The following ATP8B4 variants were observed in gnomAD, a reference collection of about 807,000 sequenced individuals.
ATP8B4 encodes the protein probable phospholipid-transporting ATPase IM.
In ATP8B4, 133 loss-of-function variants were observed where a neutral mutation model predicts 145.6. That is an observed-to-expected ratio of 0.91 (90% CI 0.79 to 1.05). The LOEUF is 1.05. ATP8B4 is among the 50% of genes least tolerant of loss of function. The probability of loss-of-function intolerance (pLI) is 0.00; values close to 1 mark genes in which losing one functional copy is unlikely to be tolerated. For missense variants in ATP8B4, 1,458 were observed against 1,425.2 expected, an observed-to-expected ratio of 1.02 and a Z score of -0.37; for synonymous variants, 507 against 492.9, an observed-to-expected ratio of 1.03 and a Z score of -0.38.
chr15:49,897,513 C>T lies in ATP8B4; in HGVS notation c.2476G>A (p.Ala826Thr), dbSNP rs368776149. The change falls in exon 23 of 28, where the codon GCT (alanine) becomes ACT (threonine). Residue 826 changes from alanine (A) to threonine (T), a missense_variant and splice_region_variant. Coordinates refer to ENST00000284509, the MANE Select transcript of ATP8B4 (RefSeq NM_024837.4). ...CCGCTGATGCCAACACCAATGTGAG[C>T]ACCTACAAAGGAAAGAGGAACACTG... ...GANDVSMIKS[A>T]HIGVGISGQE... 8 of 1,538,110 alleles carry T rather than the reference C, an allele frequency of 5.2e-6. No individual in the cohort carries two copies. Among genetic ancestry groups the T allele is most frequent in the Non-Finnish European group, 7.0e-6 (8 of 1,142,266 alleles).
At chr15:50,157,877 G>A (rs1232544222) in intron 1 of ATP8B4, among the ~76,000 whole-genome samples, 1 of 152,144 alleles carries the variant, frequency 6.6e-6, no homozygotes, top group Non-Finnish European at 1.5e-5. Flanking sequence ...GCCTCAGCCT[G>A]CCCAGTGCCT....
At chr15:50,156,077 T>C (rs11635796) in intron 1 of ATP8B4, among the ~76,000 whole-genome samples, 9 of 23,352 alleles carry the variant, frequency 3.9e-4, no homozygotes, top group Non-Finnish European at 7.9e-4. Flanking sequence ...TAAATAAATA[T>C]ATATATATAT....
At chr15:50,054,792 AAAAAAAAAAAAAAAAAAC>A (rs1316922267) in intron 3 of ATP8B4, among the ~76,000 whole-genome samples, 22 of 139,398 alleles carry the variant, frequency 1.6e-4, no homozygotes, top group African/African-American at 6.6e-4. Flanking sequence ...TCAAAAAAAA[AAAAAAAAAAAAAAAAAAC>A]AAAAAAAAAA....
At chr15:49,877,227 C>T (rs529682089) in intron 24 of ATP8B4, among the ~76,000 whole-genome samples, 1 of 152,260 alleles carries the variant, frequency 6.6e-6, no homozygotes, top group East Asian at 1.9e-4. Context: ...AATGTGCACA[C>T]AAATCGCCTG....
intron 9 of ATP8B4, among the ~76,000 whole-genome samples, chr15:49,990,002 A>G (rs1410129669): frequency 6.6e-6 from 1 of 152,178 alleles, no homozygotes; most frequent in Non-Finnish European, 1.5e-5. Context: ...GATGAGATGG[A>G]TATTAGAGCA....
chr15:49,914,840 C>T (rs1181510423), intron 20 of ATP8B4, among the ~76,000 whole-genome samples: 1 of 151,948 alleles, frequency 6.6e-6, no homozygotes, highest in Non-Finnish European at 1.5e-5. Context: ...GTAAAGGGAG[C>T]TATTACACTT....
intron 16 of ATP8B4, among the ~76,000 whole-genome samples, chr15:49,927,105 T>C (rs1045614104): frequency 6.6e-6 from 1 of 152,164 alleles, no homozygotes; most frequent in African/African-American, 2.4e-5. Context: ...GTAGAATTGG[T>C]CCTTCCAAAA....
chr15:50,038,883 C>G, intron 5 of ATP8B4, 54 bp from the exon 6 acceptor site: 1 of 1,438,796 alleles, frequency 7.0e-7, no homozygotes, highest in East Asian at 2.3e-5. Context: ...TTTGTCAGCC[C>G]AAATAAGCAC....
chr15:50,157,037 A>G (rs968538562), intron 1 of ATP8B4, among the ~76,000 whole-genome samples: 2 of 152,070 alleles, frequency 1.3e-5, no homozygotes, highest in Admixed American at 1.3e-4. Flanking sequence ...TAATGTTCAG[A>G]AAAATTTTAA....
chr15:49,996,714 T>A lies in ATP8B4; in HGVS notation c.552A>T (p.Glu184Asp). ...KVRHALSVTS[E>D]LGADISRLAG... ...CAAGTCTGCTGATATCTGCTCCAAG[T>A]TCTGAAGTAACTGATAGTGCATGGC... Residue 184 changes from glutamate to aspartate, a missense_variant, in exon 9 of 28, where the codon GAA becomes GAT. Transcript: ENST00000284509. 1 of 1,611,020 alleles carries A rather than the reference T, an allele frequency of 6.2e-7. No individual in the cohort carries two copies. Among genetic ancestry groups the A allele is most frequent in the Non-Finnish European group, 8.5e-7 (1 of 1,177,900 alleles).
chr15:50,136,014 A>T (rs1469930423), intron 1 of ATP8B4, among the ~76,000 whole-genome samples: 1 of 152,198 alleles, frequency 6.6e-6, no homozygotes, highest in Non-Finnish European at 1.5e-5. Flanking sequence ...CCTCTTCCGA[A>T]CTATTGATAT....
chr15:50,089,984 T>C (rs1258072195), intron 2 of ATP8B4, among the ~76,000 whole-genome samples: 3 of 152,114 alleles, frequency 2.0e-5, no homozygotes, highest in African/African-American at 7.2e-5. Context: ...AATGATAGAC[T>C]GGATAAAGAA....
intron 23 of ATP8B4, chr15:49,879,901 T>C (rs140082745): frequency 6.5e-6 from 1 of 152,744 alleles, no homozygotes; most frequent in African/African-American, 2.4e-5. Context: ...GTTATTTCTA[T>C]CCTGTGTTAA....
intron 7 of ATP8B4, among the ~76,000 whole-genome samples, chr15:50,003,282 G>A (rs1454725717): frequency 6.9e-6 from 1 of 145,780 alleles, no homozygotes; most frequent in Non-Finnish European, 1.5e-5. Context: ...GCATGTGTGT[G>A]TGTGTGTGTG....
At chr15:49,996,263 T>C (rs1006149478) in intron 9 of ATP8B4, among the ~76,000 whole-genome samples, 1 of 152,134 alleles carries the variant, frequency 6.6e-6, no homozygotes, top group Non-Finnish European at 1.5e-5. Flanking sequence ...GCAGGATGAC[T>C]GTCTTCATGA....
At chr15:49,903,953 A>C in intron 20 of ATP8B4, among the ~76,000 whole-genome samples, 1 of 152,166 alleles carries the variant, frequency 6.6e-6, no homozygotes, top group East Asian at 1.9e-4. Flanking sequence ...TCCTGTTTAA[A>C]AGAAGAAAAT....
chr15:49,944,652 A>T (rs2042421887), intron 14 of ATP8B4, among the ~76,000 whole-genome samples: 1 of 152,176 alleles, frequency 6.6e-6, no homozygotes. Context: ...AACACTAGAT[A>T]GGAAATCCAG....
At chr15:49,935,534 T>G in intron 14 of ATP8B4, among the ~76,000 whole-genome samples, 1 of 152,148 alleles carries the variant, frequency 6.6e-6, no homozygotes, top group Non-Finnish European at 1.5e-5. Flanking sequence ...TTTAATGTTT[T>G]CAATCAAAGC....
chr15:49,899,109 T>C (rs1021329615), intron 21 of ATP8B4, among the ~76,000 whole-genome samples: 2 of 152,312 alleles, frequency 1.3e-5, no homozygotes, highest in South Asian at 2.1e-4. Context: ...GAGTTTCATC[T>C]TCTATCACCA....
Sources: gnomAD v4.1 joint callset for allele counts (sites outside exome capture counted in the v4.1 genomes callset) on GRCh38, gnomAD v4.1.1 for gene constraint, MANE v1.5 for transcripts, NCBI Gene and HGNC (gene_info 2026-07-23, HGNC 2026-07-21) for gene names.